Variants in KIF17 observed in about 807,000 individuals in gnomAD.
KIF17 encodes kinesin-like protein KIF17.
Under a neutral mutation model 96.8 loss-of-function variants are expected in KIF17, and 80 were observed. The ratio of observed to expected loss-of-function variants is 0.83; its 90% CI spans 0.69 to 1.00. KIF17 has a LOEUF of 1.00. Ranked by LOEUF, KIF17 falls within the 50% of genes least tolerant of loss-of-function variation. The pLI, the probability that KIF17 is intolerant of heterozygous loss-of-function variation, is 0.00. For missense variants in KIF17, 1,280 were observed against 1,372.9 expected, an observed-to-expected ratio of 0.93 and a Z score of 1.07; for synonymous variants, 567 against 587.5, an observed-to-expected ratio of 0.97 and a Z score of 0.51.
At position 20,687,508 on chromosome 1, in the gene KIF17, C is replaced by T; in HGVS notation, c.1818G>A (p.Leu606=). 1.2e-6 allele frequency: 2 copies of T among 1,613,484 alleles called. No individual in the cohort carries two copies. Among genetic ancestry groups the T allele is most frequent in the African/African-American group, 2.7e-5 (2 of 75,046 alleles). ...LPQEEPQEVP[L]QGLLGLQDPF... ...GGTCCTGCAGGCCTAGTAACCCCTG[C>T]AGGGGCACCTCCTGCGGCTCCTCTT... Residue 606 remains leucine, a synonymous_variant, in exon 8 of 15, where the codon CTG becomes CTA. Transcript: ENST00000400463. The surrounding 1 kb of genome is among the most constrained non-coding windows in gnomAD (Gnocchi z 4.4).
intron 1 of KIF17, 64 bp from the exon 2 acceptor site, chr1:20,715,703 G>A (rs1365998155): frequency 6.9e-6 from 11 of 1,600,114 alleles, no homozygotes; most frequent in Non-Finnish European, 9.4e-6. Flanking sequence ...TCGGGACAGG[G>A]CTCCCTAACC....
intron 3 of KIF17, among the ~76,000 whole-genome samples, chr1:20,712,863 T>TTATAGA (rs1557607072): frequency 1.3e-4 from 5 of 38,040 alleles, no homozygotes; most frequent in East Asian, 9.4e-4. Context: ...ATTATCTATA[T>TTATAGA]TATAGATATT....
rs1230096206 is a variant in KIF17 at position 20,709,635 on chromosome 1, A to C, written c.670+4T>G. ...CCCCTGCCCCCAACAATGGCCTCGC[A>C]TACCCACGGCAGACATCTCGATGCT... On this transcript the variant is annotated splice_donor_region_variant and intron_variant, in intron 4 of 14. Transcript: ENST00000400463. This position sits in a 1 kb window ranked among gnomAD's most constrained non-coding sequence, Gnocchi z 4.7. The C allele has an allele frequency of 3.7e-6, 6 of 1,613,872 alleles. No individual in the cohort carries two copies. Among genetic ancestry groups the C allele is most frequent in the Non-Finnish European group, 5.1e-6 (6 of 1,179,998 alleles).
chr1:20,680,898 C>T (rs1213153520), intron 11 of KIF17, among the ~76,000 whole-genome samples: 1 of 151,616 alleles, frequency 6.6e-6, no homozygotes, highest in South Asian at 2.1e-4. Context: ...CTGAGGTGGG[C>T]GAATCATGAG....
In KIF17 at chr1:20,717,534, TA is replaced by T; in HGVS notation, c.172del (p.Tyr58ThrfsTer104). 1 of 1,611,546 alleles carries T rather than the reference TA, an allele frequency of 6.2e-7. No homozygotes were observed. The highest frequency in any genetic ancestry group is 2.2e-5 in the East Asian group (1 of 44,764). On this transcript the variant is annotated frameshift_variant, in exon 1 of 15. Transcript: ENST00000400463. LOFTEE classifies it high-confidence loss of function. ...CTGCTCGGTGACGTGGTCCACGTGG[TA>T]GGCGCCGTCGAAGGTGAACTGCTTG... ...PPKQFTFDGA[Y>X]HVDHVTEQIY...
intron 7 of KIF17, among the ~76,000 whole-genome samples, chr1:20,688,895 C>T (rs1018743737): frequency 3.3e-5 from 5 of 152,210 alleles, no homozygotes; most frequent in South Asian, 2.1e-4. Context: ...TCCCTTGCAG[C>T]GGAGACAGGG....
At chr1:20,688,771 G>A (rs891812667) in intron 7 of KIF17, among the ~76,000 whole-genome samples, 1 of 152,182 alleles carries the variant, frequency 6.6e-6, no homozygotes, top group African/African-American at 2.4e-5. Flanking sequence ...GAAGCCAGAC[G>A]AAGATCTGCT....
intron 13 of KIF17, among the ~76,000 whole-genome samples, chr1:20,667,328 G>T (rs1257959076): frequency 6.6e-6 from 1 of 152,154 alleles, no homozygotes; most frequent in Non-Finnish European, 1.5e-5. Context: ...AGAATCTAAT[G>T]CCTGAAGATC....
At chr1:20,710,310 C>T (rs2054414329) in intron 3 of KIF17, among the ~76,000 whole-genome samples, 1 of 152,174 alleles carries the variant, frequency 6.6e-6, no homozygotes, top group South Asian at 2.1e-4. Context: ...TCTCCCTTTG[C>T]CCGTTGCTAA....
Position 20,671,998 on chromosome 1 carries a change from C to T in KIF17, c.2662G>A (p.Glu888Lys), listed in dbSNP as rs141985868. ...EKILRESCWD[E>K]DNGFWKIPHP... ...GGGATCTTCCAGAAGCCGTTATCTT[C>T]GTCCCAGCAGGACTCACGCAGAATC... Residue 888 changes from glutamate (E) to lysine (K), a missense_variant, in exon 12 of 15, where the codon GAA becomes AAA. By Grantham distance (56) the Glu-to-Lys change is moderately conservative. Coordinates refer to ENST00000400463, the MANE Select transcript of KIF17 (RefSeq NM_001122819.3). 9.0e-5 allele frequency: 145 copies of T among 1,614,078 alleles called. No homozygotes were observed. The African/African-American group carries it at 1.2e-3, about 13-fold the overall frequency.
chr1:20,680,715 G>A (rs1292446455), intron 11 of KIF17, among the ~76,000 whole-genome samples: 2 of 152,024 alleles, frequency 1.3e-5, no homozygotes, highest in Non-Finnish European at 2.9e-5. Context: ...TATGAAATAG[G>A]ACATCAATGA....
At chr1:20,714,054 G>A (rs555403182) in intron 2 of KIF17, among the ~76,000 whole-genome samples, 19 of 152,226 alleles carry the variant, frequency 1.2e-4, no homozygotes, top group Middle Eastern at 3.4e-3. Context: ...TAGGCCAAGC[G>A]CGGTGGCTCA....
intron 3 of KIF17, among the ~76,000 whole-genome samples, chr1:20,712,841 G>A (rs538295530): frequency 7.6e-5 from 2 of 26,392 alleles, no homozygotes; most frequent in South Asian, 7.7e-4. Flanking sequence ...CTATATTATA[G>A]ATATAGATAA....
Position 20,690,348 on chromosome 1 carries a change from G to GT in KIF17, c.1234-14_1234-13insA. 2.6e-6 allele frequency: 2 copies of GT among 757,426 alleles called. No individual in the cohort carries two copies. The highest frequency in any genetic ancestry group is 4.3e-6 in the Non-Finnish European group (2 of 468,122). 46.9% of individuals were successfully genotyped at this position (757,426 alleles called of 1,614,324 possible). ...GCTCTTCATACTCCTGGGGGGGTGG[G>GT]AGGGACCAGAGGGCAGGCAGCATTT... On this transcript the variant is annotated splice_polypyrimidine_tract_variant and intron_variant, in intron 6 of 14. Transcript: ENST00000400463.
At chr1:20,712,522 T>C (rs12041463) in intron 3 of KIF17, among the ~76,000 whole-genome samples, 66,623 of 112,540 alleles carry the variant, frequency 0.59, 19,929 homozygotes, top group Non-Finnish European at 0.66. Flanking sequence ...CAGCGAGACC[T>C]TGTCATATAT....
In KIF17 at chr1:20,672,619, C is replaced by G. The variant is rs1180204843; in HGVS notation, c.2464-423G>C. Among the ~76,000 whole-genome samples the G allele has an allele frequency of 6.6e-6, 1 of 152,200 alleles. No homozygotes were observed. Among genetic ancestry groups the G allele is most frequent in the Non-Finnish European group, 1.5e-5 (1 of 68,048 alleles). ...GGATATCAGAGAATTGCACAAGTGA[C>G]ATCTCTAAGGAGGACAACAGGCACA... On this transcript the variant is annotated intron_variant, in intron 11 of 14. Transcript: ENST00000400463. The surrounding 1 kb of genome is among the most constrained non-coding windows in gnomAD (Gnocchi z 4.3).
downstream of KIF17, among the ~76,000 whole-genome samples, chr1:20,661,860 A>G (rs2053441732): frequency 6.6e-6 from 1 of 152,372 alleles, no homozygotes; most frequent in Non-Finnish European, 1.5e-5. Context: ...GAGGAGTTGG[A>G]AGAATAAGAT....
intron 11 of KIF17, among the ~76,000 whole-genome samples, chr1:20,675,218 A>G (rs894023192): frequency 1.6e-4 from 24 of 150,902 alleles, no homozygotes; most frequent in African/African-American, 5.9e-4. Context: ...GAGGCTGAGG[A>G]GGGCGGATCA....
At chr1:20,688,193 C>T (rs1457900206) in intron 7 of KIF17, among the ~76,000 whole-genome samples, 1 of 152,038 alleles carries the variant, frequency 6.6e-6, no homozygotes, top group Non-Finnish European at 1.5e-5. Flanking sequence ...AGTACAGGCA[C>T]CCGCCACCAT....
Sources: gnomAD v4.1 joint callset for allele counts (sites outside exome capture counted in the v4.1 genomes callset) on GRCh38, gnomAD v4.1.1 for gene constraint, Gnocchi (gnomAD v3.1) non-coding constraint, MANE v1.5 for transcripts, NCBI Gene and HGNC (gene_info 2026-07-23, HGNC 2026-07-21) for gene names.